Variants in MACROD2 observed in about 807,000 individuals in gnomAD.
MACROD2 encodes ADP-ribose glycohydrolase MACROD2.
Under a neutral mutation model 70.4 loss-of-function variants are expected in MACROD2, and 36 were observed. The ratio of observed to expected loss-of-function variants is 0.51; its 90% confidence interval spans 0.39 to 0.68. MACROD2 has a LOEUF of 0.68. Ranked by LOEUF, MACROD2 falls within the 30% of genes least tolerant of loss-of-function variation. MACROD2 has a pLI of 0.00. For synonymous variants in MACROD2, 172 were observed against 178.8 expected, an observed-to-expected ratio of 0.96 and a Z score of 0.30; for missense variants, 496 against 538.4, an observed-to-expected ratio of 0.92 and a Z score of 0.78.
chr20:14,582,152 T>C (rs181930982), intron 4 of MACROD2, among the ~76,000 whole-genome samples: 6 of 152,308 alleles, frequency 3.9e-5, no homozygotes, highest in Admixed American at 3.3e-4. Context: ...AGTCCTCATC[T>C]CAAGCTCTGC....
intron 5 of MACROD2, among the ~76,000 whole-genome samples, chr20:14,811,175 T>G (rs558585225): frequency 6.6e-6 from 1 of 152,122 alleles, no homozygotes; most frequent in East Asian, 1.9e-4. Context: ...TCACATTACC[T>G]GACTTCAAAG....
intron 15 of MACROD2, among the ~76,000 whole-genome samples, chr20:16,013,038 G>A (rs1369783075): frequency 6.6e-6 from 1 of 152,138 alleles, no homozygotes; most frequent in Non-Finnish European, 1.5e-5. Flanking sequence ...AACTTAGCTG[G>A]GCATGGTGGC....
At chr20:16,037,207 T>C (rs1305958136) in intron 15 of MACROD2, among the ~76,000 whole-genome samples, 1 of 152,164 alleles carries the variant, frequency 6.6e-6, no homozygotes, top group Non-Finnish European at 1.5e-5. Context: ...ATTTGCTATT[T>C]GCATTTTGCT....
At chr20:14,975,486 C>T (rs1172983471) in intron 5 of MACROD2, among the ~76,000 whole-genome samples, 1 of 152,024 alleles carries the variant, frequency 6.6e-6, no homozygotes, top group Admixed American at 6.6e-5. Context: ...CGCAGGGAAG[C>T]AGGGTACCTT....
chr20:14,399,999 T>A (rs2083620652), intron 3 of MACROD2, among the ~76,000 whole-genome samples: 1 of 152,190 alleles, frequency 6.6e-6, no homozygotes, highest in Non-Finnish European at 1.5e-5. Context: ...TTACAAAGAT[T>A]TAATGCCCTT....
In MACROD2 at chr20:15,017,176, C is replaced by T. The variant is rs189456870; in HGVS notation, c.419-212764C>T. 1.9e-4 allele frequency among the ~76,000 whole-genome samples: 29 copies of T among 152,200 alleles called. No homozygotes were observed. The East Asian group carries it at 5.0e-3, about 26-fold the overall frequency. ...AAATCAGAAGCAAGGTAGTTACTTC[C>T]TAGATTCAATGGGGGTACAGGTATT... On this transcript the variant is annotated intron_variant, in intron 5 of 17. Coordinates refer to ENST00000684519, the MANE Select transcript of MACROD2 (RefSeq NM_001351661.2).
chr20:15,304,940 TTGTC>T (rs568767767), intron 6 of MACROD2, among the ~76,000 whole-genome samples: 83 of 152,328 alleles, frequency 5.4e-4, no homozygotes, highest in African/African-American at 1.6e-3. Context: ...GAAAAATCCT[TTGTC>T]TGAGTGCTCG....
rs1217257337 is a variant in MACROD2, at chr20:15,831,388, A to G, written c.646-31357A>G. Among the ~76,000 whole-genome samples, 8 of 152,326 alleles carry G rather than the reference A, an allele frequency of 5.3e-5. No homozygotes were observed. The East Asian group carries it at 1.5e-3, about 29-fold the overall frequency. On this transcript the variant is annotated intron_variant, in intron 8 of 17. Coordinates refer to ENST00000684519, the MANE Select transcript of MACROD2 (RefSeq NM_001351661.2). ...ATGTGCTGGCTTGAAGAACTAACTC[A>G]TGAAACCTGAATACCTGAAGAGTTA...
At chr20:15,515,556 C>T (rs1326716083) in intron 8 of MACROD2, among the ~76,000 whole-genome samples, 1 of 152,224 alleles carries the variant, frequency 6.6e-6, no homozygotes, top group Non-Finnish European at 1.5e-5. Context: ...TTCCCACTGA[C>T]TCAAGGACTG....
intron 5 of MACROD2, among the ~76,000 whole-genome samples, chr20:15,195,876 T>C (rs1011776186): frequency 6.6e-6 from 1 of 152,118 alleles, no homozygotes; most frequent in South Asian, 2.1e-4. Flanking sequence ...GTGGTACATA[T>C]ACACCATGGA....
chr20:15,808,136 T>C (rs1405604985), intron 8 of MACROD2, among the ~76,000 whole-genome samples: 2 of 152,122 alleles, frequency 1.3e-5, no homozygotes, highest in Non-Finnish European at 2.9e-5. Flanking sequence ...GGACAGGAAT[T>C]GCTTACTCGG....
intron 5 of MACROD2, among the ~76,000 whole-genome samples, chr20:15,026,103 C>T (rs1258392373): frequency 6.7e-6 from 1 of 148,840 alleles, no homozygotes; most frequent in Non-Finnish European, 1.5e-5. Context: ...ACTAGTATTT[C>T]CCAGTCTTCA....
intron 13 of MACROD2, among the ~76,000 whole-genome samples, chr20:15,983,718 G>A (rs530800260): frequency 6.6e-6 from 1 of 152,308 alleles, no homozygotes; most frequent in South Asian, 2.1e-4. Flanking sequence ...CCACCTTAGT[G>A]GAAGGGGGAC....
chr20:15,744,797 C>G (rs114733739), intron 8 of MACROD2, among the ~76,000 whole-genome samples: 114 of 151,782 alleles, frequency 7.5e-4, no homozygotes, highest in African/African-American at 2.6e-3. Context: ...ATGTGTGAAT[C>G]CTTGGTTTGT....
chr20:14,760,128 A>G (rs772395970), intron 5 of MACROD2, among the ~76,000 whole-genome samples: 2 of 152,104 alleles, frequency 1.3e-5, no homozygotes, highest in Non-Finnish European at 2.9e-5. Flanking sequence ...CATGTGTTGC[A>G]CAGAACTCCC....
intron 5 of MACROD2, among the ~76,000 whole-genome samples, chr20:14,948,029 A>G (rs1257320591): frequency 6.6e-6 from 1 of 152,070 alleles, no homozygotes; most frequent in Non-Finnish European, 1.5e-5. Flanking sequence ...CCTGCTCCAG[A>G]GCAAGTATTT....
intron 7 of MACROD2, among the ~76,000 whole-genome samples, chr20:15,476,572 C>A (rs561665525): frequency 1.6e-4 from 12 of 76,534 alleles, no homozygotes; most frequent in African/African-American, 4.5e-4. Flanking sequence ...GTTGTTTTGC[C>A]CCCCCCCGGT....
At chr20:14,355,631 C>T (rs1192365930) in intron 3 of MACROD2, among the ~76,000 whole-genome samples, 1 of 151,850 alleles carries the variant, frequency 6.6e-6, no homozygotes, top group Non-Finnish European at 1.5e-5. Flanking sequence ...ATATAAAACT[C>T]TACATGTCTT....
intron 5 of MACROD2, among the ~76,000 whole-genome samples, chr20:15,205,852 T>A (rs1314773152): frequency 1.3e-5 from 2 of 152,218 alleles, no homozygotes; most frequent in Non-Finnish European, 2.9e-5. Flanking sequence ...GTTAAAGGAG[T>A]GGCAAGGCCA....
Sources: gnomAD v4.1 joint callset for allele counts (sites outside exome capture counted in the v4.1 genomes callset) on GRCh38, gnomAD v4.1.1 for gene constraint, MANE v1.5 for transcripts, NCBI Gene and HGNC (gene_info 2026-07-23, HGNC 2026-07-21) for gene names.